Variants in PLEKHM2 observed in about 807,000 individuals in gnomAD.
PLEKHM2 encodes the protein pleckstrin homology domain-containing family M member 2.
In PLEKHM2, 77 loss-of-function variants were observed where a neutral mutation model predicts 116.3. The ratio of observed to expected loss-of-function variants is 0.66; its 90% CI spans 0.55 to 0.80. The LOEUF is 0.80. Among genes scored for constraint, PLEKHM2 ranks in the 30% least tolerant of loss-of-function variants. The probability of loss-of-function intolerance (pLI) is 0.00; values close to 1 mark genes in which losing one functional copy is unlikely to be tolerated. For missense variants in PLEKHM2, 1,183 were observed against 1,354.9 expected (o/e 0.87, Z 1.99); for synonymous variants, 562 against 571.0 (o/e 0.98, Z 0.22).
intron 1 of PLEKHM2, among the ~76,000 whole-genome samples, chr1:15,700,251 A>C (rs1004567276): frequency 6.6e-6 from 1 of 151,862 alleles, no homozygotes; most frequent in Non-Finnish European, 1.5e-5. Context: ...TTTTAATTTT[A>C]TTTTTAGAGA....
In PLEKHM2 at chr1:15,729,293, C is replaced by A; in HGVS notation, c.2075+103C>A. 1.1e-6 allele frequency: 1 copy of A among 933,638 alleles called. No individual in the cohort carries two copies. Among genetic ancestry groups the A allele is most frequent in the South Asian group, 1.4e-5 (1 of 71,322 alleles). The allele number at this position is 933,638 out of a possible 1,614,324, so 57.8% of individuals were successfully genotyped here. On this transcript the variant is annotated intron_variant, in intron 13 of 19. Transcript: ENST00000375799. This position sits in a 1 kb window ranked among gnomAD's most constrained non-coding sequence, Gnocchi z 4.7. ...GGGTGGAGGTGGAAAGTGGGAGATC[C>A]AGGAGGGGAAACCAGATGTATTCCC...
intron 1 of PLEKHM2, among the ~76,000 whole-genome samples, chr1:15,707,749 G>A (rs1641254009): frequency 6.6e-6 from 1 of 152,162 alleles, no homozygotes; most frequent in African/African-American, 2.4e-5. Context: ...TGCCAGTGTG[G>A]GGCCAAAGGA....
At chr1:15,684,256 G>A (rs1640707439), upstream of PLEKHM2, 1 of 152,344 alleles carries the variant, frequency 6.6e-6, no homozygotes, top group African/African-American at 2.4e-5. Context: ...GGAGTCCCCA[G>A]GCGCAGGCGG....
In PLEKHM2 at chr1:15,728,866, G is replaced by C. The variant is rs1164684087; in HGVS notation, c.1986+133G>C. 2.3e-6 allele frequency: 2 copies of C among 882,482 alleles called. No homozygotes were observed. Among genetic ancestry groups the C allele is most frequent in the East Asian group, 5.3e-5 (2 of 37,878 alleles). The allele number at this position is 882,482 out of a possible 1,614,324, so 54.7% of individuals were successfully genotyped here. On this transcript the variant is annotated intron_variant, in intron 12 of 19. Coordinates refer to ENST00000375799, the MANE Select transcript of PLEKHM2 (RefSeq NM_015164.4). The surrounding 1 kb of genome is among the most constrained non-coding windows in gnomAD (Gnocchi z 5.9). The stretch of plus-strand genomic sequence containing the variant: ...GTTGGGCACCAACTTAACTCTCAGA[G>C]AGGCTTCTGTACACGATGCTGGGGG...
chr1:15,703,955 C>T (rs1021666371), intron 1 of PLEKHM2, among the ~76,000 whole-genome samples: 20 of 152,166 alleles, frequency 1.3e-4, no homozygotes, highest in Admixed American at 7.2e-4. Flanking sequence ...AGGTCTAGAG[C>T]GTGGTCTGGG....
At chr1:15,687,275 T>G (rs181331792) in intron 1 of PLEKHM2, among the ~76,000 whole-genome samples, 1 of 152,200 alleles carries the variant, frequency 6.6e-6, no homozygotes, top group Non-Finnish European at 1.5e-5. Flanking sequence ...CACGCCATTC[T>G]CCTGCCTCAG....
chr1:15,720,152 A>AAAAT (rs1346238011), intron 6 of PLEKHM2, among the ~76,000 whole-genome samples: 1 of 146,780 alleles, frequency 6.8e-6, no homozygotes, highest in African/African-American at 2.6e-5. Flanking sequence ...ATATATATAA[A>AAAAT]ATATATATTT....
Position 15,728,756 on chromosome 1 carries a change from T to C in PLEKHM2, c.1986+23T>C. On this transcript the variant is annotated intron_variant, in intron 12 of 19. Transcript: ENST00000375799. This position sits in a 1 kb window ranked among gnomAD's most constrained non-coding sequence, Gnocchi z 5.9. The stretch of plus-strand genomic sequence containing the variant: ...TCGGTGAGTCCAGGCCCCGCAGTTG[T>C]GCGCCTGCTGTAGGTACAGGGCTTC... 1 of 1,591,378 alleles carries C rather than the reference T, an allele frequency of 6.3e-7. No individual in the cohort carries two copies. Among genetic ancestry groups the C allele is most frequent in the Non-Finnish European group, 8.6e-7 (1 of 1,167,000 alleles).
Position 15,727,023 on chromosome 1 carries a change from G to A in PLEKHM2, c.951G>A (p.Lys317=). ...GTCGTTACTGTCCCAGGGTCACCAA[G>A]AAGAAGAAAATTGGCAAGAAGAAAA... The part of the protein sequence containing the change: ...CTELEVIRVT[K]KKKIGKKKKS... The change falls in exon 9 of 20, where the codon AAG becomes AAA. Residue 317 remains lysine (K), a synonymous_variant. Coordinates refer to ENST00000375799, the MANE Select transcript of PLEKHM2 (RefSeq NM_015164.4). The surrounding 1 kb of genome is among the most constrained non-coding windows in gnomAD (Gnocchi z 7.5). The A allele has an allele frequency of 1.4e-6, 2 of 1,473,560 alleles. No homozygotes were observed. Among genetic ancestry groups the A allele is most frequent in the Non-Finnish European group, 1.8e-6 (2 of 1,111,554 alleles). 91.3% of individuals were successfully genotyped at this position (1,473,560 alleles called of 1,614,324 possible).
chr1:15,725,991 C>G lies in PLEKHM2; in HGVS notation c.941+446C>G, dbSNP rs541844473. The G allele has an allele frequency of 4.0e-5, 7 of 174,854 alleles. No homozygotes were observed. In the East Asian group the frequency reaches 1.1e-3, roughly 28 times the overall value. The allele number at this position is 174,854 out of a possible 1,614,324, so 10.8% of individuals were successfully genotyped here. On this transcript the variant is annotated intron_variant, in intron 8 of 19. Transcript: ENST00000375799. Reference sequence around the variant, plus strand: ...ATCACCCCCCACCCCCTGATACCATCACATTGGGAGTTAGGATTTCAACAC... The same window carrying G: ...ATCACCCCCCACCCCCTGATACCATGACATTGGGAGTTAGGATTTCAACAC...
chr1:15,683,400 G>C (rs554870922), upstream of PLEKHM2, among the ~76,000 whole-genome samples: 2 of 152,126 alleles, frequency 1.3e-5, no homozygotes, highest in African/African-American at 4.8e-5. Flanking sequence ...AGAGTTAGTG[G>C]GGTGCACTGG....
In PLEKHM2 at chr1:15,734,202, C is replaced by T. The variant is rs543635658; in HGVS notation, c.*268C>T. ...GAGCCCTGTGGGCTCTGCGGATGCA[C>T]GCCCTCCTCCCGGGCCTCCGCCTCA... On this transcript the variant is annotated 3_prime_UTR_variant, in exon 20 of 20. Transcript: ENST00000375799. 9 of 455,570 alleles carry T rather than the reference C, an allele frequency of 2.0e-5. No individual in the cohort carries two copies. Among genetic ancestry groups the T allele is most frequent in the Admixed American group, 8.3e-5 (2 of 24,074 alleles). 28.2% of individuals were successfully genotyped at this position (455,570 alleles called of 1,614,324 possible). A position where few individuals can be genotyped will look rare whatever the true frequency, so the allele number is the denominator to read the frequency against.
At chr1:15,700,675 C>T (rs918150485) in intron 1 of PLEKHM2, among the ~76,000 whole-genome samples, 6 of 152,172 alleles carry the variant, frequency 3.9e-5, no homozygotes, top group Non-Finnish European at 7.3e-5. Flanking sequence ...GCTTCCTAAC[C>T]AAATGGTTTC....
At chr1:15,698,055 A>AT (rs148263410) in intron 1 of PLEKHM2, among the ~76,000 whole-genome samples, 5,642 of 152,162 alleles carry the variant, frequency 0.037, 354 homozygotes, top group African/African-American at 0.13. Flanking sequence ...CCCATGGTGG[A>AT]TAAACCCTTT....
At chr1:15,695,021 G>T (rs1417034566) in intron 1 of PLEKHM2, among the ~76,000 whole-genome samples, 1 of 152,154 alleles carries the variant, frequency 6.6e-6, no homozygotes, top group Non-Finnish European at 1.5e-5. Context: ...GCCTCCCAAA[G>T]TCCTGGGCTT....
At chr1:15,686,989 T>A (rs1431603653) in intron 1 of PLEKHM2, among the ~76,000 whole-genome samples, 1 of 152,060 alleles carries the variant, frequency 6.6e-6, no homozygotes, top group Non-Finnish European at 1.5e-5. Flanking sequence ...GGTTTCCCCA[T>A]GTTGGCCAGG....
chr1:15,710,989 A>G (rs766357099), intron 1 of PLEKHM2, among the ~76,000 whole-genome samples: 4 of 152,066 alleles, frequency 2.6e-5, no homozygotes, highest in Non-Finnish European at 5.9e-5. Context: ...AGCCTGGCCA[A>G]CACGGTGAAA....
At chr1:15,681,900 A>G (rs1640651570), upstream of PLEKHM2, among the ~76,000 whole-genome samples, 1 of 152,194 alleles carries the variant, frequency 6.6e-6, no homozygotes, top group African/African-American at 2.4e-5. Context: ...TCCTGAACTC[A>G]GTACAAATAA....
chr1:15,697,466 T>G (rs1641021070), intron 1 of PLEKHM2, among the ~76,000 whole-genome samples: 1 of 152,226 alleles, frequency 6.6e-6, no homozygotes, highest in Non-Finnish European at 1.5e-5. Context: ...CACACTCCCC[T>G]TCCGGGAAGA....
Sources: gnomAD v4.1 joint callset for allele counts (sites outside exome capture counted in the v4.1 genomes callset) on GRCh38, gnomAD v4.1.1 for gene constraint, Gnocchi (gnomAD v3.1) non-coding constraint, MANE v1.5 for transcripts, NCBI Gene and HGNC (gene_info 2026-07-23, HGNC 2026-07-21) for gene names.